Variants in ABCA12 observed in about 807,000 individuals in gnomAD.
ABCA12 encodes ATP binding cassette subfamily A member 12.
In ABCA12, 156 loss-of-function variants were observed where a neutral mutation model predicts 293.5. The observed-to-expected ratio is 0.53, with a 90% CI of 0.47 to 0.61. The LOEUF (loss-of-function observed/expected upper bound fraction) is 0.61, where lower values mean the gene tolerates loss of function less well. ABCA12 is among the 20% of genes least tolerant of loss of function. The probability of loss-of-function intolerance (pLI) is 0.00; values close to 1 mark genes in which losing one functional copy is unlikely to be tolerated. For missense variants in ABCA12, 2,797 were observed against 3,090.2 expected (o/e 0.91, Z 2.25); for synonymous variants, 1,063 against 1,108.0 (o/e 0.96, Z 0.81).
chr2:215,006,969 A>T (rs1700268850), intron 19 of ABCA12, among the ~76,000 whole-genome samples: 1 of 137,520 alleles, frequency 7.3e-6, no homozygotes, highest in East Asian at 2.3e-4. Flanking sequence ...TCCACCTCCC[A>T]GGTTCAAGCG....
intron 3 of ABCA12, among the ~76,000 whole-genome samples, chr2:215,055,382 G>T (rs1016527153): frequency 2.0e-5 from 3 of 151,962 alleles, no homozygotes; most frequent in African/African-American, 7.2e-5. Context: ...CTAAAAATTC[G>T]CTTTTTGTTT....
chr2:215,041,370 G>A (rs1384480421), intron 7 of ABCA12, among the ~76,000 whole-genome samples: 2 of 152,020 alleles, frequency 1.3e-5, no homozygotes, highest in African/African-American at 4.8e-5. Context: ...TGGCCAATAT[G>A]GTGAAACCCC....
At chr2:215,089,323 A>G (rs1315276472) in intron 2 of ABCA12, among the ~76,000 whole-genome samples, 1 of 152,134 alleles carries the variant, frequency 6.6e-6, no homozygotes, top group Admixed American at 6.5e-5. Flanking sequence ...CGTCAAAAGG[A>G]AAAGCATTAC....
At chr2:215,092,327 C>T (rs1406795155) in intron 2 of ABCA12, among the ~76,000 whole-genome samples, 2 of 152,044 alleles carry the variant, frequency 1.3e-5, no homozygotes, top group Non-Finnish European at 2.9e-5. Context: ...TAGTTATCTC[C>T]CCCTGCCCAG....
intron 36 of ABCA12, among the ~76,000 whole-genome samples, chr2:214,972,387 G>C (rs1020758561): frequency 2.0e-5 from 3 of 152,100 alleles, no homozygotes; most frequent in East Asian, 1.9e-4. Flanking sequence ...AAAAATTGAA[G>C]ATCTACTGGA....
rs1172571620 is a variant in ABCA12 at position 215,049,746 on chromosome 2, G to A, written c.573C>T (p.Tyr191=). The A allele has an allele frequency of 3.7e-6, 6 of 1,613,518 alleles. No homozygotes were observed. Among genetic ancestry groups the A allele is most frequent in the Non-Finnish European group, 5.1e-6 (6 of 1,179,754 alleles). Residue 191 remains tyrosine, a synonymous_variant, in exon 6 of 53, where the codon TAC becomes TAT. Coordinates refer to ENST00000272895, the MANE Select transcript of ABCA12 (RefSeq NM_173076.3). The part of the protein sequence containing the change: ...RRELCDSYSG[Y]IVDDAFSWTF... ...TCCAAGAGAAGGCATCATCCACAATGTATCCTGAATAGCTGTCACATAGTT... is the reference window on the plus strand; with the variant it reads ...TCCAAGAGAAGGCATCATCCACAATATATCCTGAATAGCTGTCACATAGTT...
At chr2:214,998,437 C>A (rs936283466) in intron 22 of ABCA12, among the ~76,000 whole-genome samples, 9 of 152,146 alleles carry the variant, frequency 5.9e-5, no homozygotes, top group African/African-American at 2.2e-4. Context: ...GGATTACAGG[C>A]ATGAGTCACT....
intron 27 of ABCA12, 42 bp from the exon 28 acceptor site, chr2:214,986,770 G>T: frequency 6.4e-7 from 1 of 1,554,442 alleles, no homozygotes; most frequent in South Asian, 1.1e-5. Flanking sequence ...TCACAAGTAA[G>T]GTAATGCAGC....
At chr2:215,132,536 T>A (rs575842892) in intron 1 of ABCA12, among the ~76,000 whole-genome samples, 1 of 152,216 alleles carries the variant, frequency 6.6e-6, no homozygotes, top group South Asian at 2.1e-4. Flanking sequence ...ACGTCTGTTT[T>A]ATCTAATATG....
At chr2:214,943,056 C>G in intron 49 of ABCA12, 39 bp from the exon 50 acceptor site, 1 of 1,558,738 alleles carries the variant, frequency 6.4e-7, no homozygotes. Context: ...ATTCAGGATA[C>G]AGAAAACTTG....
At chr2:214,986,779 G>A in intron 27 of ABCA12, 51 bp from the exon 28 acceptor site, 1 of 1,498,334 alleles carries the variant, frequency 6.7e-7, no homozygotes, top group Non-Finnish European at 9.3e-7. Context: ...AGGTAATGCA[G>A]CTAGAGTTAG....
In ABCA12 at chr2:215,018,273, T is replaced by G. The variant is rs1211728029; in HGVS notation, c.1658-141A>C. The stretch of plus-strand genomic sequence containing the variant: ...AGATGTCTCCCAGTTTTGGCAAACG[T>G]TGCATATTTAGGATCTATTTCTATC... On this transcript the variant is annotated intron_variant, in intron 13 of 52. Coordinates refer to ENST00000272895, the MANE Select transcript of ABCA12 (RefSeq NM_173076.3). 3.0e-6 allele frequency: 3 copies of G among 1,003,228 alleles called. No individual in the cohort carries two copies. In the African/African-American group the frequency reaches 4.9e-5, roughly 16 times the overall value. The allele number at this position is 1,003,228 out of a possible 1,614,324, so 62.1% of individuals were successfully genotyped here. A position where few individuals can be genotyped will look rare whatever the true frequency, so the allele number is the denominator to read the frequency against.
Position 215,050,777 on chromosome 2 carries a change from A to T in ABCA12, c.508-966T>A, listed in dbSNP as rs373797011. 9.1e-6 allele frequency: 9 copies of T among 985,098 alleles called. 1 individual carries two copies. The African/African-American group carries it at 1.6e-4, about 17-fold the overall frequency. The allele number at this position is 985,098 out of a possible 1,614,324, so 61.0% of individuals were successfully genotyped here. Reference sequence around the variant, plus strand: ...CATTCATCCGTATCTCTCTTCTAACATTCCACATAAACTCACCCAAAAATG... The same window carrying T: ...CATTCATCCGTATCTCTCTTCTAACTTTCCACATAAACTCACCCAAAAATG... On this transcript the variant is annotated intron_variant, in intron 5 of 52. Coordinates refer to ENST00000272895, the MANE Select transcript of ABCA12 (RefSeq NM_173076.3).
intron 1 of ABCA12, among the ~76,000 whole-genome samples, chr2:215,115,980 G>A (rs1054564602): frequency 6.6e-6 from 1 of 152,176 alleles, no homozygotes; most frequent in Non-Finnish European, 1.5e-5. Context: ...AGAGCAGGTT[G>A]ATGATAAAAG....
intron 1 of ABCA12, among the ~76,000 whole-genome samples, chr2:215,112,775 C>T (rs959453651): frequency 4.0e-5 from 6 of 151,894 alleles, no homozygotes; most frequent in Admixed American, 2.0e-4. Context: ...GGATTACAGG[C>T]GTGTGAGCCA....
intron 7 of ABCA12, among the ~76,000 whole-genome samples, chr2:215,039,836 C>T (rs535055132): frequency 2.0e-5 from 3 of 152,080 alleles, no homozygotes; most frequent in African/African-American, 4.8e-5. Context: ...TAACTCCATA[C>T]ATCCAAAATA....
intron 2 of ABCA12, among the ~76,000 whole-genome samples, chr2:215,088,683 T>C (rs1176280835): frequency 2.0e-5 from 3 of 152,184 alleles, no homozygotes; most frequent in Non-Finnish European, 4.4e-5. Flanking sequence ...TGTCATCAGC[T>C]TAAACTAGAA....
chr2:215,001,105 CCAAA>C (rs1700136142), intron 21 of ABCA12, 85 bp from the exon 22 acceptor site: 2 of 1,328,404 alleles, frequency 1.5e-6, no homozygotes, highest in East Asian at 2.4e-5. Flanking sequence ...GAGGGGACAG[CCAAA>C]CAGTCAATTG....
intron 5 of ABCA12, among the ~76,000 whole-genome samples, chr2:215,051,221 C>T (rs879825752): frequency 1.4e-4 from 22 of 152,196 alleles, no homozygotes; most frequent in Non-Finnish European, 2.8e-4. Flanking sequence ...TTGGGGGAAG[C>T]TTTAGACTGG....
Sources: allele counts gnomAD v4.1 joint callset (sites outside exome capture counted in the v4.1 genomes callset), GRCh38; gene constraint gnomAD v4.1.1; transcripts MANE v1.5; gene names NCBI Gene and HGNC (gene_info 2026-07-23, HGNC 2026-07-21).